Variants in RBFOX1 observed in about 807,000 individuals in gnomAD.
RBFOX1 encodes RNA binding protein fox-1 homolog 1.
RBFOX1 carries 8 observed loss-of-function variants against 57.7 expected under a neutral mutation model. The observed-to-expected ratio is 0.14, with a 90% CI of 0.08 to 0.25. The LOEUF is 0.25. Among genes scored for constraint, RBFOX1 ranks in the 10% least tolerant of loss-of-function variants. The pLI is 1.00. For missense variants in RBFOX1, 611 were observed against 548.5 expected, an observed-to-expected ratio of 1.11 and a Z score of -1.14; for synonymous variants, 326 against 222.4, an observed-to-expected ratio of 1.47 and a Z score of -4.15.
In RBFOX1 at chr16:7,458,858, T is replaced by C. The variant is rs565455246; in HGVS notation, c.28-59289T>C. Among the ~76,000 whole-genome samples the C allele has an allele frequency of 2.6e-5, 4 of 152,314 alleles. No homozygotes were observed. The South Asian group carries it at 8.3e-4, about 32-fold the overall frequency. On this transcript the variant is annotated intron_variant, in intron 4 of 15. Coordinates refer to ENST00000550418, the MANE Select transcript of RBFOX1 (RefSeq NM_018723.4). ...TTGCTTATCACCATTTGACATACTA[T>C]GTATTTTATGTTTCATTTGTGTCTG...
At chr16:5,738,016 C>T (rs926286367) in intron 3 of RBFOX1, among the ~76,000 whole-genome samples, 1 of 151,670 alleles carries the variant, frequency 6.6e-6, no homozygotes, top group Non-Finnish European at 1.5e-5. Context: ...TGCCCCCCAC[C>T]CCCTCCAGGC....
intron 3 of RBFOX1, among the ~76,000 whole-genome samples, chr16:6,789,247 C>G (rs1409153000): frequency 6.6e-6 from 1 of 152,048 alleles, no homozygotes; most frequent in Admixed American, 6.5e-5. Context: ...TATCATTTCC[C>G]AAGCCGCGAT....
At chr16:5,499,666 G>A (rs555327202) in intron 2 of RBFOX1, among the ~76,000 whole-genome samples, 2 of 151,708 alleles carry the variant, frequency 1.3e-5, no homozygotes, top group African/African-American at 2.4e-5. Context: ...TCCATCTCCC[G>A]GGTTCAAGCC....
chr16:7,328,054 G>A (rs1383074218), intron 4 of RBFOX1, among the ~76,000 whole-genome samples: 3 of 152,170 alleles, frequency 2.0e-5, no homozygotes, highest in Non-Finnish European at 2.9e-5. Flanking sequence ...AGAAGGGCCA[G>A]TCACTTATGT....
intron 2 of RBFOX1, among the ~76,000 whole-genome samples, chr16:6,562,883 T>TCTTTC (rs1555553684): frequency 3.8e-4 from 47 of 122,626 alleles, no homozygotes; most frequent in African/African-American, 1.3e-3. Context: ...TTTCTTTCTT[T>TCTTTC]TTTTTTTTTT....
chr16:5,709,539 C>T (rs1417379929), intron 3 of RBFOX1, among the ~76,000 whole-genome samples: 1 of 151,628 alleles, frequency 6.6e-6, no homozygotes, highest in African/African-American at 2.4e-5. Flanking sequence ...CTGTATGTGT[C>T]GATTATGACA....
intron 4 of RBFOX1, among the ~76,000 whole-genome samples, chr16:7,335,862 A>G (rs2096777300): frequency 6.6e-6 from 1 of 152,198 alleles, no homozygotes; most frequent in Non-Finnish European, 1.5e-5. Context: ...AGCCAAATAG[A>G]GAGTTTTTCC....
intron 4 of RBFOX1, among the ~76,000 whole-genome samples, chr16:7,211,844 G>A (rs539875632): frequency 6.6e-6 from 1 of 152,220 alleles, no homozygotes; most frequent in Admixed American, 6.5e-5. Flanking sequence ...AGCACGAGGT[G>A]GTTGCAGCGT....
At chr16:6,503,460 G>A (rs563797451) in intron 2 of RBFOX1, among the ~76,000 whole-genome samples, 1 of 152,130 alleles carries the variant, frequency 6.6e-6, no homozygotes, top group Non-Finnish European at 1.5e-5. Context: ...TGGACCATGT[G>A]GGCTGTGCTC....
Position 7,515,566 on chromosome 16 carries a change from T to C in RBFOX1, c.28-2581T>C, listed in dbSNP as rs147705629. 7.7e-4 allele frequency among the ~76,000 whole-genome samples: 117 copies of C among 152,308 alleles called. No individual in the cohort carries two copies. The East Asian group carries it at 0.021, about 28-fold the overall frequency. ...CCTGGAATGTGGTCACTTCACAATGTATACATATGTCAAAACATCAAGTTA... is the reference window on the plus strand; with the variant it reads ...CCTGGAATGTGGTCACTTCACAATGCATACATATGTCAAAACATCAAGTTA... On this transcript the variant is annotated intron_variant, in intron 4 of 15. Coordinates refer to ENST00000550418, the MANE Select transcript of RBFOX1 (RefSeq NM_018723.4).
intron 2 of RBFOX1, among the ~76,000 whole-genome samples, chr16:6,610,988 A>G (rs565811711): frequency 6.6e-6 from 1 of 152,318 alleles, no homozygotes; most frequent in South Asian, 2.1e-4. Context: ...CTTTTTCCTT[A>G]GCTGGAGCAC....
chr16:7,386,198 C>A (rs920846863), intron 4 of RBFOX1, among the ~76,000 whole-genome samples: 5 of 152,024 alleles, frequency 3.3e-5, no homozygotes, highest in East Asian at 1.9e-4. Context: ...GTATCTGCAT[C>A]CCCCAAGTTC....
At chr16:7,180,598 C>G (rs917363149) in intron 4 of RBFOX1, among the ~76,000 whole-genome samples, 2 of 151,754 alleles carry the variant, frequency 1.3e-5, no homozygotes, top group African/African-American at 4.8e-5. Flanking sequence ...CTTCCCTTTT[C>G]TGTAAAAGGT....
At chr16:7,607,705 G>A (rs2056612115) in intron 10 of RBFOX1, among the ~76,000 whole-genome samples, 1 of 152,104 alleles carries the variant, frequency 6.6e-6, no homozygotes, top group African/African-American at 2.4e-5. Context: ...TTTCCATTTG[G>A]GGTTGGCATT....
intron 14 of RBFOX1, among the ~76,000 whole-genome samples, chr16:7,699,409 C>G (rs1176625528): frequency 6.6e-6 from 1 of 152,140 alleles, no homozygotes; most frequent in Non-Finnish European, 1.5e-5. Context: ...CCAGGCTGAT[C>G]TCAAACTCCT....
intron 4 of RBFOX1, among the ~76,000 whole-genome samples, chr16:7,368,845 T>C (rs1019451168): frequency 1.1e-4 from 16 of 151,350 alleles, no homozygotes; most frequent in African/African-American, 3.9e-4. Context: ...GAATTAATGG[T>C]GAGAAAAGCA....
At chr16:7,708,221 A>AG (rs2080345247) in intron 14 of RBFOX1, among the ~76,000 whole-genome samples, 1 of 152,004 alleles carries the variant, frequency 6.6e-6, no homozygotes, top group Non-Finnish European at 1.5e-5. Context: ...TGCGACCTTG[A>AG]GCAAGTGACT....
In RBFOX1 at chr16:5,658,147, C is replaced by G. The variant is rs543044807; in HGVS notation, c.318+59186C>G. Among the ~76,000 whole-genome samples the G allele has an allele frequency of 9.9e-5, 15 of 152,238 alleles. No homozygotes were observed. The South Asian group carries it at 2.9e-3, about 29-fold the overall frequency. The stretch of plus-strand genomic sequence containing the variant: ...TGAGCAAAGCAATGCCAGGATTGAT[C>G]CAGCAAGTGGAGTGAGCAGAGGAAA... On this transcript the variant is annotated intron_variant, in intron 3 of 19. Transcript: ENST00000641259.
chr16:5,726,881 G>A (rs1048305503), intron 3 of RBFOX1, among the ~76,000 whole-genome samples: 1 of 152,164 alleles, frequency 6.6e-6, no homozygotes, highest in African/African-American at 2.4e-5. Context: ...CATTGATGGT[G>A]AAGGAAACTG....
Sources: allele counts gnomAD v4.1 joint callset (sites outside exome capture counted in the v4.1 genomes callset), GRCh38; gene constraint gnomAD v4.1.1; transcripts MANE v1.5; gene names NCBI Gene and HGNC (gene_info 2026-07-23, HGNC 2026-07-21).